Variants in MAST4 observed in about 807,000 individuals in gnomAD.
The protein encoded by MAST4 is microtubule associated serine/threonine kinase family member 4, also known as microtubule-associated serine/threonine-protein kinase 4.
MAST4 carries 89 observed loss-of-function variants against 162.7 expected under a neutral mutation model. The ratio of observed to expected loss-of-function variants is 0.55; its 90% confidence interval spans 0.46 to 0.65. The LOEUF (loss-of-function observed/expected upper bound fraction) is 0.65. Ranked by LOEUF, MAST4 falls within the 30% of genes least tolerant of loss-of-function variation. The pLI, the probability that MAST4 is intolerant of heterozygous loss-of-function variation, is 0.00. For missense variants in MAST4, 3,153 were observed against 3,374.0 expected, an observed-to-expected ratio of 0.93 and a Z score of 1.62; for synonymous variants, 1,479 against 1,361.1, an observed-to-expected ratio of 1.09 and a Z score of -1.91.
chr5:66,815,256 TC>T (rs1756662056), intron 3 of MAST4, among the ~76,000 whole-genome samples: 1 of 152,228 alleles, frequency 6.6e-6, no homozygotes, highest in Admixed American at 6.5e-5. Flanking sequence ...TATTTCTTAA[TC>T]CAAGTATCCC....
chr5:66,788,718 C>G lies in MAST4; in HGVS notation c.566C>G (p.Ser189Cys). ...GTGGCGGGACAGGCCTGGCCGGCCTCTGCAGAGACGTCCAACCTCGTGCGC... is the reference window on the plus strand; with the variant it reads ...GTGGCGGGACAGGCCTGGCCGGCCTGTGCAGAGACGTCCAACCTCGTGCGC... ...NPVAGQAWPA[S>C]AETSNLVRMR... The change falls in exon 3 of 29, where the codon TCT (serine) becomes TGT (cysteine). Residue 189 changes from serine to cysteine, a missense_variant. Transcript: ENST00000403625. The G allele has an allele frequency of 6.2e-7, 1 of 1,613,680 alleles. No individual in the cohort carries two copies. The highest frequency in any genetic ancestry group is 1.1e-5 in the South Asian group (1 of 91,078).
chr5:67,167,911 C>T lies in MAST4; in HGVS notation c.*860C>T, dbSNP rs1774231569. 6.6e-6 allele frequency: 1 copy of T among 152,228 alleles called. No individual in the cohort carries two copies. 9.4% of individuals were successfully genotyped at this position (152,228 alleles called of 1,614,324 possible). A position where few individuals can be genotyped will look rare whatever the true frequency, so the allele number is the denominator to read the frequency against. ...TAGAGCGGGGACTATAAACACACAT[C>T]AACTTTCTTTCTGTTTGCTTTCTTT... On this transcript the variant is annotated 3_prime_UTR_variant, in exon 29 of 29. Coordinates refer to ENST00000403625, the MANE Select transcript of MAST4 (RefSeq NM_001164664.2).
At chr5:67,011,136 G>A (rs1257452870) in intron 4 of MAST4, among the ~76,000 whole-genome samples, 6 of 152,136 alleles carry the variant, frequency 3.9e-5, no homozygotes, top group Non-Finnish European at 2.9e-5. Context: ...GACATGTTTA[G>A]GTTTGGAGTT....
At chr5:66,638,130 A>G (rs1745241900) in intron 1 of MAST4, among the ~76,000 whole-genome samples, 1 of 152,080 alleles carries the variant, frequency 6.6e-6, no homozygotes, top group South Asian at 2.1e-4. Context: ...AACCTTCAAG[A>G]GCTCCTTACT....
At chr5:66,951,339 A>G (rs1744649149) in intron 4 of MAST4, among the ~76,000 whole-genome samples, 3 of 152,070 alleles carry the variant, frequency 2.0e-5, no homozygotes, top group Admixed American at 6.6e-5. Context: ...AGCAACACTG[A>G]CCTTATTCCT....
Position 67,164,074 on chromosome 5 carries a change from G to T in MAST4, c.4895G>T (p.Gly1632Val). The T allele has an allele frequency of 6.4e-7, 1 of 1,570,102 alleles. No individual in the cohort carries two copies. The highest frequency in any genetic ancestry group is 8.6e-7 in the Non-Finnish European group (1 of 1,157,082). ...DGRVPAEHRQGGGDFRRAPAP... is the reference protein window; with the variant it reads ...DGRVPAEHRQVGGDFRRAPAP... ...CGGGTGCCTGCGGAGCACCGCCAGG[G>T]TGGCGGGGACTTCAGACGGGCCCCC... Residue 1632 changes from glycine (G) to valine (V), a missense_variant, in exon 29 of 29, where the codon GGT (glycine) becomes GTT (valine). By Grantham distance (109) the Gly-to-Val change is moderately radical. Around this residue, in one of 7 missense-constraint regions of MAST4, gnomAD observed 1,644 missense variants for 1,495.0 expected, o/e 1.10. Coordinates refer to ENST00000403625, the MANE Select transcript of MAST4 (RefSeq NM_001164664.2). The surrounding 1 kb of genome is among the most constrained non-coding windows in gnomAD (Gnocchi z 5.3).
At chr5:66,918,528 CATTCTT>C (rs1050379574) in intron 4 of MAST4, among the ~76,000 whole-genome samples, 4 of 152,120 alleles carry the variant, frequency 2.6e-5, no homozygotes, top group Non-Finnish European at 4.4e-5. Flanking sequence ...TTTTTACTGA[CATTCTT>C]AATTGCTTTT....
chr5:66,645,768 A>T (rs1745792287), intron 1 of MAST4, among the ~76,000 whole-genome samples: 1 of 152,210 alleles, frequency 6.6e-6, no homozygotes, highest in East Asian at 1.9e-4. Context: ...TATTATAAAA[A>T]AGTTCGAACT....
intron 4 of MAST4, among the ~76,000 whole-genome samples, chr5:67,013,631 T>G (rs569795442): frequency 1.8e-3 from 276 of 151,696 alleles, no homozygotes; most frequent in Non-Finnish European, 3.0e-3. Context: ...CTATGAAATC[T>G]GTAGAAAATC....
chr5:67,095,342 G>C (rs1440438459), intron 6 of MAST4, among the ~76,000 whole-genome samples: 3 of 152,040 alleles, frequency 2.0e-5, no homozygotes, highest in Non-Finnish European at 2.9e-5. Flanking sequence ...TATTCATTTT[G>C]TCAAAGTATA....
At chr5:66,608,973 T>C (rs1416040731) in intron 1 of MAST4, among the ~76,000 whole-genome samples, 1 of 152,182 alleles carries the variant, frequency 6.6e-6, no homozygotes, top group East Asian at 1.9e-4. Context: ...GAAGATATTG[T>C]TCTAGATGGA....
chr5:66,968,680 G>A (rs1427504655), intron 4 of MAST4, among the ~76,000 whole-genome samples: 1 of 152,182 alleles, frequency 6.6e-6, no homozygotes, highest in Non-Finnish European at 1.5e-5. Flanking sequence ...ACATGAGATC[G>A]AGTTATATAG....
intron 3 of MAST4, among the ~76,000 whole-genome samples, chr5:66,853,965 T>G (rs749555297): frequency 6.6e-6 from 1 of 152,200 alleles, no homozygotes; most frequent in Non-Finnish European, 1.5e-5. Flanking sequence ...TAGTTTAAAA[T>G]AAGTTAGGGA....
intron 4 of MAST4, among the ~76,000 whole-genome samples, chr5:66,919,958 TTCCTTCCTTCC>T (rs1764412562): frequency 1.5e-5 from 1 of 66,118 alleles, no homozygotes; most frequent in African/African-American, 4.6e-5. Flanking sequence ...CCTTCCTTCC[TTCCTTCCTTCC>T]TTCCTTCTTT....
intron 3 of MAST4, among the ~76,000 whole-genome samples, chr5:66,851,211 G>A (rs748136732): frequency 2.6e-5 from 4 of 152,236 alleles, no homozygotes; most frequent in Admixed American, 6.5e-5. Flanking sequence ...CAAACATTCT[G>A]TAATATTTCC....
intron 4 of MAST4, among the ~76,000 whole-genome samples, chr5:66,990,298 A>G (rs1404733198): frequency 6.6e-6 from 1 of 152,196 alleles, no homozygotes; most frequent in Non-Finnish European, 1.5e-5. Flanking sequence ...GAGGTTAAGT[A>G]ACTTATCCAA....
chr5:67,160,913 G>T (rs930518846), intron 27 of MAST4, among the ~76,000 whole-genome samples: 1 of 152,160 alleles, frequency 6.6e-6, no homozygotes, highest in African/African-American at 2.4e-5. Flanking sequence ...TCTTCAGGTG[G>T]TTTTTAACAT....
chr5:66,679,573 T>G (rs2149482972), intron 1 of MAST4, among the ~76,000 whole-genome samples: 1 of 152,314 alleles, frequency 6.6e-6, no homozygotes, highest in Middle Eastern at 3.4e-3. Flanking sequence ...ATTTGTATAC[T>G]CTCACCTCTC....
chr5:66,642,882 G>T (rs1276978123), intron 1 of MAST4, among the ~76,000 whole-genome samples: 1 of 152,120 alleles, frequency 6.6e-6, no homozygotes, highest in Non-Finnish European at 1.5e-5. Flanking sequence ...TAATACCCTG[G>T]ACTGTTATTT....
Sources: gnomAD v4.1 joint callset for allele counts (sites outside exome capture counted in the v4.1 genomes callset) on GRCh38, gnomAD v4.1.1 for gene constraint, gnomAD v4.1.1 regional missense constraint, Gnocchi (gnomAD v3.1) non-coding constraint, MANE v1.5 for transcripts, NCBI Gene and HGNC (gene_info 2026-07-23, HGNC 2026-07-21) for gene names.